The following SLC38A8 variants were observed in gnomAD, a reference collection of about 807,000 sequenced individuals.
SLC38A8 encodes amino acid transporter SLC38A8.
Under a neutral mutation model 46.0 loss-of-function variants are expected in SLC38A8, and 65 were observed. That is an observed-to-expected ratio of 1.41 (90% confidence interval 1.16 to 1.74). The LOEUF (loss-of-function observed/expected upper bound fraction) is 1.74. SLC38A8 is among the 40% of genes most tolerant of loss of function. The probability of loss-of-function intolerance (pLI) is 0.00; values close to 1 mark genes in which losing one functional copy is unlikely to be tolerated. For synonymous variants in SLC38A8, 447 were observed against 243.7 expected, an observed-to-expected ratio of 1.83 and a Z score of -7.77; for missense variants, 998 against 567.9, an observed-to-expected ratio of 1.76 and a Z score of -7.70.
chr16:84,012,587 G>A (rs781366003), intron 10 of SLC38A8, among the ~76,000 whole-genome samples: 26 of 152,200 alleles, frequency 1.7e-4, no homozygotes, highest in Non-Finnish European at 3.2e-4. Flanking sequence ...TCAGTGCCTA[G>A]CAGAGGAGCC....
intron 10 of SLC38A8, among the ~76,000 whole-genome samples, chr16:84,012,156 T>A (rs60876328): frequency 0.15 from 23,502 of 152,214 alleles, 2,052 homozygotes; most frequent in African/African-American, 0.22. Context: ...AATAACCCCA[T>A]AAAACTAATA....
In SLC38A8 at chr16:84,032,255, C is replaced by G. The variant is rs374825958; in HGVS notation, c.531-287G>C. Among the ~76,000 whole-genome samples the G allele has an allele frequency of 1.9e-4, 29 of 152,286 alleles. No homozygotes were observed. The East Asian group carries it at 5.4e-3, about 28-fold the overall frequency. ...CCAGGCTGGAGTGCAGTGGCGCAAT[C>G]TTGGCTCACTGCAAACTCTGCCTCC... On this transcript the variant is annotated intron_variant, in intron 4 of 10. Transcript: ENST00000299709.
intron 4 of SLC38A8, among the ~76,000 whole-genome samples, chr16:84,033,097 A>G (rs925476048): frequency 3.1e-4 from 47 of 152,150 alleles, no homozygotes; most frequent in Non-Finnish European, 1.6e-4. Flanking sequence ...AAAAAATCCA[A>G]CAATGAAATA....
chr16:84,029,388 T>A (rs1156349719), intron 6 of SLC38A8, 106 bp downstream of exon 6: 2 of 1,188,888 alleles, frequency 1.7e-6, no homozygotes, highest in East Asian at 5.0e-5. Flanking sequence ...CTAGGAGAAG[T>A]CCTCAGACGC....
chr16:84,039,261 C>T (rs1451509156), intron 2 of SLC38A8, among the ~76,000 whole-genome samples: 1 of 152,162 alleles, frequency 6.6e-6, no homozygotes, highest in Non-Finnish European at 1.5e-5. Context: ...GTTTTAAGCC[C>T]TACGTTTTGT....
At chr16:84,023,577 G>T (rs922572159) in intron 6 of SLC38A8, among the ~76,000 whole-genome samples, 24 of 151,650 alleles carry the variant, frequency 1.6e-4, no homozygotes, top group Non-Finnish European at 2.8e-4. Context: ...ACGAATCTCA[G>T]TCAGAACAAT....
At chr16:84,024,571 T>A (rs915486909) in intron 6 of SLC38A8, among the ~76,000 whole-genome samples, 22 of 151,906 alleles carry the variant, frequency 1.4e-4, no homozygotes, top group African/African-American at 4.6e-4. Context: ...ACCTGAGGTC[T>A]GGAGTTCGAG....
Position 84,033,416 on chromosome 16 carries a change from C to A in SLC38A8, c.442G>T (p.Asp148Tyr). The A allele has an allele frequency of 6.2e-7, 1 of 1,613,260 alleles. No homozygotes were observed. ...TPPAPQPWYA[D>Y]QRFTLPLLSV... is the part of the protein sequence containing the mutation. ...AGCAGGGGCAGGGTGAAGCGCTGGT[C>A]TGCGTACCACGGCTGCGGGGCGGGC... The change falls in exon 4 of 11, where the codon GAC becomes TAC. Residue 148 changes from aspartate (D) to tyrosine (Y), a missense_variant. By Grantham distance (160) the Asp-to-Tyr change is radical. Coordinates refer to ENST00000299709, the MANE Select transcript of SLC38A8 (RefSeq NM_001080442.3).
intron 7 of SLC38A8, among the ~76,000 whole-genome samples, chr16:84,018,497 G>C (rs574055617): frequency 1.8e-3 from 270 of 152,172 alleles, no homozygotes; most frequent in African/African-American, 6.5e-3. Context: ...GGGATTACAG[G>C]CATGAGCCAC....
Position 84,042,084 on chromosome 16 carries a change from GAC to G in SLC38A8, c.72_73del (p.Ser25LeufsTer80). On this transcript the variant is annotated frameshift_variant, in exon 2 of 11. Transcript: ENST00000299709. LOFTEE classifies it high-confidence loss of function. Reference sequence around the variant, plus strand: ...GAGGATGAAGACAGCGCCCATCGAGGACAGAGTGGCAGCAGCCGTGGCAGGGT... The same window carrying G: ...GAGGATGAAGACAGCGCCCATCGAGGAGAGTGGCAGCAGCCGTGGCAGGGT... 1 of 1,614,104 alleles carries G rather than the reference GAC, an allele frequency of 6.2e-7. No individual in the cohort carries two copies. The highest frequency in any genetic ancestry group is 1.1e-5 in the South Asian group (1 of 91,076).
At chr16:84,026,373 C>T (rs897476252) in intron 6 of SLC38A8, among the ~76,000 whole-genome samples, 19 of 152,140 alleles carry the variant, frequency 1.2e-4, no homozygotes, top group African/African-American at 3.6e-4. Context: ...ATTACAGGCC[C>T]GCACCGCCAT....
intron 10 of SLC38A8, among the ~76,000 whole-genome samples, chr16:84,011,159 C>T (rs577692632): frequency 2.0e-5 from 3 of 152,220 alleles, no homozygotes; most frequent in Non-Finnish European, 2.9e-5. Context: ...TGTGCGGGGA[C>T]TGTGAGGCTA....
At chr16:84,028,714 C>G (rs1161978564) in intron 6 of SLC38A8, among the ~76,000 whole-genome samples, 2 of 151,074 alleles carry the variant, frequency 1.3e-5, no homozygotes. Flanking sequence ...CACCTTCCCC[C>G]CAGCGCTGTG....
intron 5 of SLC38A8, among the ~76,000 whole-genome samples, chr16:84,031,359 A>T (rs2085235916): frequency 6.6e-6 from 1 of 152,144 alleles, no homozygotes; most frequent in African/African-American, 2.4e-5. Context: ...CCCTTTCTAA[A>T]AACAAATCCT....
In SLC38A8 at chr16:84,012,985, T is replaced by A; in HGVS notation, c.1214+16A>T. The A allele has an allele frequency of 1.2e-6, 2 of 1,613,992 alleles. No homozygotes were observed. Among genetic ancestry groups the A allele is most frequent in the Non-Finnish European group, 8.5e-7 (1 of 1,179,914 alleles). ...GGGGCACACCCAGGGTGCCACCTCA[T>A]CTTAGGGACACTTACTTGACTCTTG... On this transcript the variant is annotated intron_variant, in intron 10 of 10. Transcript: ENST00000299709.
chr16:84,032,467 G>A (rs1183645675), intron 4 of SLC38A8, among the ~76,000 whole-genome samples: 3 of 152,222 alleles, frequency 2.0e-5, no homozygotes, highest in African/African-American at 4.8e-5. Context: ...AATTACAGGT[G>A]TGACGCCCAG....
rs1193340748 is a variant in SLC38A8 at position 84,028,676 on chromosome 16, G to A, written c.690+818C>T. Reference sequence around the variant, plus strand: ...GAAGCAGAGGACTGAGCCCAGGCCCGCCACCTCCCCTGCCCCCCCTGCCCC... The same window carrying A: ...GAAGCAGAGGACTGAGCCCAGGCCCACCACCTCCCCTGCCCCCCCTGCCCC... On this transcript the variant is annotated intron_variant, in intron 6 of 10. Transcript: ENST00000299709. Among the ~76,000 whole-genome samples, 135 of 146,106 alleles carry A rather than the reference G, an allele frequency of 9.2e-4. 1 individual carries two copies. The highest frequency in any genetic ancestry group is 3.1e-3 in the African/African-American group (124 of 39,824).
intron 3 of SLC38A8, among the ~76,000 whole-genome samples, chr16:84,034,497 G>C (rs1003225329): frequency 6.6e-6 from 1 of 152,198 alleles, no homozygotes; most frequent in Non-Finnish European, 1.5e-5. Context: ...GGAACCACCT[G>C]GGTGGGTGAG....
chr16:84,029,720 T>C (rs773859876), intron 5 of SLC38A8, among the ~76,000 whole-genome samples, 169 bp from the exon 6 acceptor site: 1 of 133,450 alleles, frequency 7.5e-6, no homozygotes, highest in Non-Finnish European at 1.7e-5. Flanking sequence ...TGGAAAAGGA[T>C]GCTGGCTAAA....
Sources: allele counts gnomAD v4.1 joint callset (sites outside exome capture counted in the v4.1 genomes callset), GRCh38; gene constraint gnomAD v4.1.1; transcripts MANE v1.5; gene names NCBI Gene and HGNC (gene_info 2026-07-23, HGNC 2026-07-21).